The following ADAM18 variants were observed in gnomAD, a reference collection of about 807,000 sequenced individuals.
ADAM18 encodes the protein ADAM metallopeptidase domain 18.
A neutral mutation model predicts 94.4 loss-of-function variants in ADAM18; 117 were observed. The ratio of observed to expected loss-of-function variants is 1.24; its 90% CI spans 1.07 to 1.45. ADAM18 has a LOEUF of 1.45. Ranked by LOEUF, ADAM18 falls within the 40% of genes most tolerant of loss-of-function variation. The pLI is 0.00. For synonymous variants in ADAM18, 327 were observed against 291.6 expected, an observed-to-expected ratio of 1.12 and a Z score of -1.24; for missense variants, 936 against 880.0, an observed-to-expected ratio of 1.06 and a Z score of -0.81.
chr8:39,632,726 G>A (rs1438735069), intron 7 of ADAM18, among the ~76,000 whole-genome samples: 2 of 152,000 alleles, frequency 1.3e-5, no homozygotes, highest in South Asian at 4.1e-4. Context: ...GATATTATGA[G>A]TATGACCCCT....
chr8:39,605,158 C>T (rs980241576), intron 2 of ADAM18, among the ~76,000 whole-genome samples: 2 of 152,200 alleles, frequency 1.3e-5, no homozygotes, highest in African/African-American at 2.4e-5. Context: ...TGCCCTGTTT[C>T]TCTCTACCCA....
intron 16 of ADAM18, among the ~76,000 whole-genome samples, chr8:39,688,043 CA>C (rs1821655533): frequency 6.6e-6 from 1 of 152,080 alleles, no homozygotes; most frequent in Admixed American, 6.6e-5. Flanking sequence ...GAGTAATTTC[CA>C]AAGTGCTTTC....
chr8:39,637,489 A>G (rs1820112349), intron 8 of ADAM18, 48 bp from the exon 9 acceptor site: 2 of 1,489,214 alleles, frequency 1.3e-6, no homozygotes, highest in Middle Eastern at 1.8e-4. Flanking sequence ...TACCTTTTAA[A>G]TGTAATAACT....
At chr8:39,624,402 T>A (rs970966974) in intron 6 of ADAM18, among the ~76,000 whole-genome samples, 1 of 152,190 alleles carries the variant, frequency 6.6e-6, no homozygotes, top group Admixed American at 6.5e-5. Context: ...ATTCATTGAA[T>A]AGAGGGTCCT....
intron 17 of ADAM18, among the ~76,000 whole-genome samples, chr8:39,702,345 T>C (rs78903996): frequency 1.3e-5 from 2 of 152,144 alleles, no homozygotes; most frequent in Non-Finnish European, 2.9e-5. Flanking sequence ...GGGTTTTTTT[T>C]CTTCTTCTTG....
intron 16 of ADAM18, among the ~76,000 whole-genome samples, chr8:39,687,909 G>A (rs1821651990): frequency 6.6e-6 from 1 of 152,136 alleles, no homozygotes; most frequent in African/African-American, 2.4e-5. Flanking sequence ...CTTTGCTATT[G>A]TGAATAGTGC....
intron 2 of ADAM18, among the ~76,000 whole-genome samples, chr8:39,596,044 G>A (rs1161193946): frequency 1.3e-5 from 2 of 152,164 alleles, no homozygotes; most frequent in Admixed American, 6.6e-5. Context: ...AACTGTGTGT[G>A]TGGTGTTTTT....
chr8:39,637,592 A>T lies in ADAM18; in HGVS notation c.716A>T (p.Asn239Ile). ...CTGTCTTCCTTGGAATTGTGGTCAA[A>T]TGAAAACCAGATTTCCACCAGTGGG... is the stretch of plus-strand genomic sequence containing the variant. Reference protein sequence around the residue: ...VILSSLELWSNENQISTSGDA... With the variant: ...VILSSLELWSIENQISTSGDA... The change falls in exon 9 of 20, where the codon AAT becomes ATT. Residue 239 changes from asparagine to isoleucine, a missense_variant. Transcript: ENST00000265707. 6.2e-7 allele frequency: 1 copy of T among 1,612,902 alleles called. No homozygotes were observed. Among genetic ancestry groups the T allele is most frequent in the African/African-American group, 1.3e-5 (1 of 74,980 alleles).
intron 2 of ADAM18, among the ~76,000 whole-genome samples, chr8:39,593,497 A>C (rs1205404555): frequency 6.6e-6 from 1 of 152,214 alleles, no homozygotes; most frequent in Non-Finnish European, 1.5e-5. Flanking sequence ...TTATATTTAA[A>C]AAACATAATA....
At position 39,667,931 on chromosome 8, in the gene ADAM18, T is replaced by A. The variant is rs367910693; in HGVS notation, c.1327-67T>A. On this transcript the variant is annotated intron_variant, in intron 13 of 19. Transcript: ENST00000265707. ...AATTAGAAACATTTTATGTGATAAA[T>A]CTTTTCACTAAGCAATTGAGAAAAA... The A allele has an allele frequency of 1.5e-5, 22 of 1,466,262 alleles. No homozygotes were observed. The South Asian group carries it at 1.9e-4, about 12-fold the overall frequency. The allele number at this position is 1,466,262 out of a possible 1,614,324, so 90.8% of individuals were successfully genotyped here.
intron 12 of ADAM18, among the ~76,000 whole-genome samples, chr8:39,657,831 A>C (rs1820729603): frequency 6.6e-6 from 1 of 152,214 alleles, no homozygotes; most frequent in African/African-American, 2.4e-5. Context: ...TAGTCTTAAA[A>C]ATGAGAAGAA....
chr8:39,610,748 G>T, intron 6 of ADAM18, 42 bp downstream of exon 6: 1 of 1,556,638 alleles, frequency 6.4e-7, no homozygotes, highest in Middle Eastern at 1.8e-4. Context: ...CTAGAACATT[G>T]CCTGTGTAGT....
At chr8:39,637,044 T>TGTGTATATATATATGTATATAC (rs1820095990) in intron 7 of ADAM18, among the ~76,000 whole-genome samples, 1 of 143,980 alleles carries the variant, frequency 6.9e-6, no homozygotes, top group Admixed American at 7.0e-5. Flanking sequence ...TATATATATA[T>TGTGTATATATATATGTATATAC]ATATATATAT....
At chr8:39,615,160 C>T (rs1398322794) in intron 6 of ADAM18, among the ~76,000 whole-genome samples, 1 of 151,904 alleles carries the variant, frequency 6.6e-6, no homozygotes, top group Admixed American at 6.6e-5. Flanking sequence ...ACATTTTTCT[C>T]ATGTGCACAT....
In ADAM18 at chr8:39,631,817, C is replaced by T. The variant is rs140076459; in HGVS notation, c.588+2378C>T. Among the ~76,000 whole-genome samples, 314 of 152,140 alleles carry T rather than the reference C, an allele frequency of 2.1e-3. 1 individual carries two copies. The highest frequency in any genetic ancestry group is 0.013 in the Admixed American group (198 of 15,256). ...TCTCTGAATAAGGAGAACCCCCTCA[C>T]ATTCGTCTTTACATTTTTTGTTAAT... On this transcript the variant is annotated intron_variant, in intron 7 of 19. Coordinates refer to ENST00000265707, the MANE Select transcript of ADAM18 (RefSeq NM_014237.3).
At chr8:39,709,108 G>T (rs1230184001) in intron 18 of ADAM18, among the ~76,000 whole-genome samples, 1 of 151,844 alleles carries the variant, frequency 6.6e-6, no homozygotes, top group South Asian at 2.1e-4. Context: ...CTCTTGTCTG[G>T]TGTCCAGGAA....
rs190361448 is a variant in ADAM18, at chr8:39,662,504, C to T, written c.1231-1291C>T. 5.1e-3 allele frequency among the ~76,000 whole-genome samples: 778 copies of T among 152,162 alleles called. 5 individuals are homozygous for T. Among genetic ancestry groups the T allele is most frequent in the Non-Finnish European group, 8.4e-3 (568 of 68,004 alleles). On this transcript the variant is annotated intron_variant, in intron 12 of 19. Coordinates refer to ENST00000265707, the MANE Select transcript of ADAM18 (RefSeq NM_014237.3). The stretch of plus-strand genomic sequence containing the variant: ...AAGGACAAGATCTTTGAAACTAGAT[C>T]TCTGAGTAAATAAAATTGTTTAATA...
chr8:39,634,244 TAACTCTCCAGGCTCACAGAGTGC>T (rs1334290894), intron 7 of ADAM18, among the ~76,000 whole-genome samples: 3 of 152,154 alleles, frequency 2.0e-5, no homozygotes, highest in Admixed American at 2.0e-4. Context: ...CACCTGGTGC[TAACTCTCCAGGCTCACAGAGTGC>T]AAGAGCTGTG....
intron 19 of ADAM18, among the ~76,000 whole-genome samples, 167 bp from the exon 20 acceptor site, chr8:39,729,731 A>T (rs949059158): frequency 2.0e-5 from 3 of 152,180 alleles, no homozygotes; most frequent in Admixed American, 6.5e-5. Context: ...TCTATAATAT[A>T]GATAATGTAA....
Sources: gnomAD v4.1 joint callset for allele counts (sites outside exome capture counted in the v4.1 genomes callset) on GRCh38, gnomAD v4.1.1 for gene constraint, MANE v1.5 for transcripts, NCBI Gene and HGNC (gene_info 2026-07-23, HGNC 2026-07-21) for gene names.